COIL: variants seen among roughly 807,000 people sequenced by gnomAD.
COIL encodes coilin, also known as coilin p80.
COIL carries 28 observed loss-of-function variants against 51.6 expected under a neutral mutation model. The observed-to-expected ratio is 0.54, with a 90% confidence interval of 0.40 to 0.74. The LOEUF (loss-of-function observed/expected upper bound fraction) is 0.74, where lower values mean the gene tolerates loss of function less well. Among genes scored for constraint, COIL ranks in the 30% least tolerant of loss-of-function variants. The probability of loss-of-function intolerance (pLI) is 0.00; values close to 1 mark genes in which losing one functional copy is unlikely to be tolerated. For missense variants in COIL, 667 were observed against 685.9 expected (o/e 0.97, Z 0.31); for synonymous variants, 233 against 255.8 (o/e 0.91, Z 0.85).
chr17:56,947,943 T>C (rs952873149), intron 4 of COIL, among the ~76,000 whole-genome samples: 1 of 152,104 alleles, frequency 6.6e-6, no homozygotes, highest in African/African-American at 2.4e-5. Context: ...TGTACATCTT[T>C]CCAGCATAAC....
intron 1 of COIL, chr17:56,952,171 G>C: frequency 2.1e-6 from 1 of 487,152 alleles, no homozygotes; most frequent in South Asian, 1.5e-5. Flanking sequence ...TGAAACCACT[G>C]ATGATCATAG....
chr17:56,946,040 A>G (rs1371076210), intron 5 of COIL, among the ~76,000 whole-genome samples: 1 of 152,170 alleles, frequency 6.6e-6, no homozygotes, highest in Non-Finnish European at 1.5e-5. Flanking sequence ...ATAAGGCAAG[A>G]TTGCAAAAAT....
At position 56,938,809 on chromosome 17, in the gene COIL, T is replaced by C. The variant is rs1910090092; in HGVS notation, c.*262A>G. ...TTTAAAGAAAGAGAAGAAACCATAC[T>C]GGTATACAACAATATCTGCAGGGAA... is the stretch of plus-strand genomic sequence containing the variant. On this transcript the variant is annotated 3_prime_UTR_variant, in exon 7 of 7. Coordinates refer to ENST00000240316, the MANE Select transcript of COIL (RefSeq NM_004645.3). 2 of 285,794 alleles carry C rather than the reference T, an allele frequency of 7.0e-6. No individual in the cohort carries two copies. The highest frequency in any genetic ancestry group is 1.3e-5 in the Non-Finnish European group (2 of 155,240). The allele number at this position is 285,794 out of a possible 1,614,324, so 17.7% of individuals were successfully genotyped here. A position where few individuals can be genotyped will look rare whatever the true frequency, so the allele number is the denominator to read the frequency against.
At chr17:56,944,299 G>A (rs1174741843) in intron 5 of COIL, among the ~76,000 whole-genome samples, 1 of 152,120 alleles carries the variant, frequency 6.6e-6, no homozygotes, top group Non-Finnish European at 1.5e-5. Flanking sequence ...TCAGAAGAAA[G>A]GTTGGAAACC....
intron 4 of COIL, among the ~76,000 whole-genome samples, chr17:56,946,838 G>GA (rs1008446646): frequency 5.9e-5 from 9 of 152,090 alleles, no homozygotes; most frequent in Non-Finnish European, 1.0e-4. Context: ...GGGAAAAGGA[G>GA]AAAAAAATCA....
intron 1 of COIL, among the ~76,000 whole-genome samples, chr17:56,959,889 C>G (rs1381796308): frequency 7.2e-5 from 11 of 152,230 alleles, no homozygotes; most frequent in Non-Finnish European, 1.6e-4. Context: ...ATTCTCCTGT[C>G]ATCAGAAGCA....
At position 56,949,397 on chromosome 17, in the gene COIL, G is replaced by A. The variant is rs759157969; in HGVS notation, c.1478C>T (p.Ser493Phe). 35 of 1,592,288 alleles carry A rather than the reference G, an allele frequency of 2.2e-5. No homozygotes were observed. The highest frequency in any genetic ancestry group is 2.7e-5 in the Non-Finnish European group (32 of 1,175,396). The change falls in exon 4 of 7, where the codon TCT (serine) becomes TTT (phenylalanine). Residue 493 changes from serine (S) to phenylalanine (F), a missense_variant. Physicochemically the swap from Ser to Phe is radical, Grantham distance 155. Coordinates refer to ENST00000240316, the MANE Select transcript of COIL (RefSeq NM_004645.3). ...ELTSSYSPDV[S>F]DYKEGRILSH... The stretch of plus-strand genomic sequence containing the variant: ...AATAAACATCCTTACCTTGTAGTCA[G>A]AGACATCAGGAGAGTAACTGGATGT...
chr17:56,959,048 G>C (rs537699490), intron 1 of COIL, among the ~76,000 whole-genome samples: 3 of 152,218 alleles, frequency 2.0e-5, no homozygotes, highest in African/African-American at 7.2e-5. Context: ...AAGCTTAAAG[G>C]GGGTGGGGGA....
chr17:56,951,141 T>C (rs943189670), intron 1 of COIL, 145 bp from the exon 2 acceptor site: 1 of 815,788 alleles, frequency 1.2e-6, no homozygotes, highest in South Asian at 2.1e-5. Context: ...CAAAAGACTC[T>C]TTCTGGCAAA....
intron 5 of COIL, among the ~76,000 whole-genome samples, chr17:56,943,773 C>T (rs942052135): frequency 6.6e-6 from 1 of 152,204 alleles, no homozygotes; most frequent in African/African-American, 2.4e-5. Context: ...ACTAGTATTA[C>T]TTAACTAAAC....
intron 3 of COIL, 42 bp downstream of exon 3, chr17:56,949,639 G>C: frequency 6.5e-7 from 1 of 1,546,238 alleles, no homozygotes; most frequent in East Asian, 2.2e-5. Flanking sequence ...ATTTGGAAGG[G>C]GAATGAACCT....
chr17:56,946,079 C>A (rs1401682013), intron 5 of COIL, among the ~76,000 whole-genome samples: 3 of 152,152 alleles, frequency 2.0e-5, no homozygotes, highest in African/African-American at 4.8e-5. Context: ...GCAGAATCTT[C>A]CTCAGTTTTT....
intron 1 of COIL, 98 bp from the exon 2 acceptor site, chr17:56,951,094 C>T (rs1910362090): frequency 8.6e-7 from 1 of 1,162,714 alleles, no homozygotes; most frequent in African/African-American, 1.5e-5. Flanking sequence ...AATGTAACTA[C>T]CATCAGTCAA....
chr17:56,945,716 G>C (rs1910234992), intron 5 of COIL, among the ~76,000 whole-genome samples: 1 of 151,982 alleles, frequency 6.6e-6, no homozygotes, highest in Non-Finnish European at 1.5e-5. Flanking sequence ...CAGTTTGGGG[G>C]TTTTTAAAAT....
intron 1 of COIL, among the ~76,000 whole-genome samples, chr17:56,956,395 A>T (rs1417953332): frequency 6.6e-6 from 1 of 150,388 alleles, no homozygotes; most frequent in Non-Finnish European, 1.5e-5. Flanking sequence ...TCCATCACTG[A>T]GCCTAGCTAA....
At chr17:56,943,870 T>C (rs1910193323) in intron 5 of COIL, among the ~76,000 whole-genome samples, 1 of 152,096 alleles carries the variant, frequency 6.6e-6, no homozygotes, top group African/African-American at 2.4e-5. Flanking sequence ...TCCATTTCTT[T>C]CTTTCTTTTT....
intron 1 of COIL, 83 bp downstream of exon 1, chr17:56,960,692 T>G (rs1598101451): frequency 1.4e-6 from 1 of 711,496 alleles, no homozygotes; most frequent in Non-Finnish European, 1.9e-6. Flanking sequence ...CACTACCAGG[T>G]CTAGCGGCTT....
intron 4 of COIL, among the ~76,000 whole-genome samples, chr17:56,949,086 C>T (rs1407018478): frequency 6.6e-6 from 1 of 151,996 alleles, no homozygotes; most frequent in East Asian, 1.9e-4. Flanking sequence ...CCAACCTGGG[C>T]AACATAGCAA....
intron 4 of COIL, among the ~76,000 whole-genome samples, chr17:56,948,400 A>G (rs1359844439): frequency 2.6e-5 from 4 of 152,088 alleles, no homozygotes; most frequent in African/African-American, 7.2e-5. Flanking sequence ...TGGCCTCCCA[A>G]AGTGCTGGGA....
Sources: gnomAD v4.1 joint callset for allele counts (sites outside exome capture counted in the v4.1 genomes callset) on GRCh38, gnomAD v4.1.1 for gene constraint, MANE v1.5 for transcripts, NCBI Gene and HGNC (gene_info 2026-07-23, HGNC 2026-07-21) for gene names.